The following SEMA4D variants were observed in gnomAD, a reference collection of about 807,000 sequenced individuals.
SEMA4D encodes semaphorin-4D.
Under a neutral mutation model 74.8 loss-of-function variants are expected in SEMA4D, and 22 were observed. The observed-to-expected ratio is 0.29, with a 90% CI of 0.21 to 0.42. The LOEUF (loss-of-function observed/expected upper bound fraction) is 0.42, where lower values mean the gene tolerates loss of function less well. Ranked by LOEUF, SEMA4D falls within the 10% of genes least tolerant of loss-of-function variation. SEMA4D has a pLI of 1.00. For synonymous variants in SEMA4D, 445 were observed against 463.7 expected, an observed-to-expected ratio of 0.96 and a Z score of 0.52; for missense variants, 937 against 1,118.4, an observed-to-expected ratio of 0.84 and a Z score of 2.31.
chr9:89,387,126 CCCCAG>C (rs1232249780), intron 12 of SEMA4D: 11 of 441,294 alleles, frequency 2.5e-5, no homozygotes, highest in Non-Finnish European at 4.0e-5. Flanking sequence ...TACTCCTCTG[CCCCAG>C]CCCAGCCCAG....
At chr9:89,494,960 T>C (rs1825894916) in intron 1 of SEMA4D, among the ~76,000 whole-genome samples, 1 of 152,218 alleles carries the variant, frequency 6.6e-6, no homozygotes, top group Non-Finnish European at 1.5e-5. Context: ...ATCAATAGCC[T>C]AGTTTTCAAA....
At chr9:89,451,085 G>A (rs780878949) in intron 2 of SEMA4D, among the ~76,000 whole-genome samples, 13 of 152,146 alleles carry the variant, frequency 8.5e-5, no homozygotes, top group Non-Finnish European at 1.8e-4. Flanking sequence ...GTAACCCTAC[G>A]ATAGAACAGG....
intron 1 of SEMA4D, among the ~76,000 whole-genome samples, chr9:89,457,927 G>C (rs1856325009): frequency 6.6e-6 from 1 of 151,930 alleles, no homozygotes; most frequent in African/African-American, 2.4e-5. Flanking sequence ...CAGCTACTTG[G>C]GAGGCTGAGA....
intron 1 of SEMA4D, among the ~76,000 whole-genome samples, chr9:89,473,084 T>C (rs1489706550): frequency 3.3e-5 from 5 of 152,154 alleles, no homozygotes; most frequent in Admixed American, 6.6e-5. Flanking sequence ...CAAGACCCTG[T>C]CTCAACAAAT....
chr9:89,429,606 C>T (rs922299939), intron 2 of SEMA4D, among the ~76,000 whole-genome samples: 1 of 152,184 alleles, frequency 6.6e-6, no homozygotes, highest in Non-Finnish European at 1.5e-5. Flanking sequence ...GGTTTCTTAA[C>T]AGAATCTCAA....
intron 18 of SEMA4D, chr9:89,363,364 T>C (rs1588050682): frequency 6.3e-7 from 1 of 1,594,850 alleles, no homozygotes; most frequent in South Asian, 1.1e-5. Context: ...AAAGATCCAC[T>C]GGATGTGGCA....
At chr9:89,478,577 T>A (rs1234685403) in intron 1 of SEMA4D, among the ~76,000 whole-genome samples, 4 of 152,178 alleles carry the variant, frequency 2.6e-5, no homozygotes, top group Non-Finnish European at 5.9e-5. Flanking sequence ...TGTGCGCCTA[T>A]GAAAAGGGAT....
chr9:89,388,551 A>G, intron 11 of SEMA4D, 85 bp downstream of exon 11: 1 of 1,497,486 alleles, frequency 6.7e-7, no homozygotes, highest in Non-Finnish European at 8.9e-7. Context: ...TACCCAGCCC[A>G]TGAGCAGGCC....
intron 5 of SEMA4D, among the ~76,000 whole-genome samples, chr9:89,397,240 A>G (rs1841173416): frequency 6.6e-6 from 1 of 152,196 alleles, no homozygotes; most frequent in South Asian, 2.1e-4. Flanking sequence ...GCTTACCTCA[A>G]ATCTTACTGG....
At chr9:89,401,040 T>G (rs1275176736) in intron 4 of SEMA4D, among the ~76,000 whole-genome samples, 1 of 152,170 alleles carries the variant, frequency 6.6e-6, no homozygotes, top group African/African-American at 2.4e-5. Flanking sequence ...TCAGAGTGCC[T>G]CACAGTGCTG....
intron 2 of SEMA4D, among the ~76,000 whole-genome samples, chr9:89,407,187 C>T (rs1843501544): frequency 6.6e-6 from 1 of 152,224 alleles, no homozygotes; most frequent in African/African-American, 2.4e-5. Context: ...GTGTGCCCAG[C>T]TCACTATATC....
chr9:89,405,357 G>A lies in SEMA4D; in HGVS notation c.100C>T (p.His34Tyr). The A allele has an allele frequency of 1.2e-6, 2 of 1,613,598 alleles. No individual in the cohort carries two copies. The highest frequency in any genetic ancestry group is 1.7e-6 in the Non-Finnish European group (2 of 1,179,514). Residue 34 changes from histidine (H) to tyrosine (Y), a missense_variant, in exon 3 of 16, where the codon CAC (histidine) becomes TAC (tyrosine). Physicochemically the swap from His to Tyr is moderately conservative, Grantham distance 83. Coordinates refer to ENST00000422704, the MANE Select transcript of SEMA4D (RefSeq NM_001371194.2). Reference sequence around the variant, plus strand: ...TGCAGGTTTCGTCACTCACCTCTGTGCTCCCAGGTGATCCGGGGTATGGGT... The same window carrying A: ...TGCAGGTTTCGTCACTCACCTCTGTACTCCCAGGTGATCCGGGGTATGGGT... ...FAPIPRITWE[H>Y]REVHLVQFHE...
intron 2 of SEMA4D, among the ~76,000 whole-genome samples, chr9:89,419,737 A>G (rs4466490): frequency 0.27 from 39,939 of 149,982 alleles, 6,969 homozygotes; most frequent in East Asian, 0.59. Flanking sequence ...ACAAGGCAAA[A>G]CCCCGTCTCT....
rs369861571 is a variant in SEMA4D, at chr9:89,386,479, C to G, written c.1334G>C (p.Arg445Pro). 2 of 1,609,792 alleles carry G rather than the reference C, an allele frequency of 1.2e-6. No individual in the cohort carries two copies. Among genetic ancestry groups the G allele is most frequent in the East Asian group, 2.2e-5 (1 of 44,876 alleles). Residue 445 changes from arginine to proline, a missense_variant, in exon 13 of 16, where the codon CGG (arginine) becomes CCG (proline). By Grantham distance (103) the Arg-to-Pro change is moderately radical. Transcript: ENST00000422704. ...GCTGATGGCTTTGTGCAGAGCTCCC[C>G]GGTCTGCAGGGCCAAAGCTACAGGT... ...VYDVMFVSTD[R>P]GALHKAISLE...
chr9:89,406,685 A>G (rs1043715218), intron 2 of SEMA4D, among the ~76,000 whole-genome samples: 2 of 152,152 alleles, frequency 1.3e-5, no homozygotes, highest in African/African-American at 2.4e-5. Context: ...ACACTTCTGT[A>G]AACAGTTCAC....
chr9:89,365,844 A>G lies in SEMA4D; in HGVS notation c.1883-1894T>C, dbSNP rs146154600. On this transcript the variant is annotated intron_variant, in intron 16 of 18. Coordinates refer to the SEMA4D transcript ENST00000339861. ...TGGCACATGCTGGACTTTTGAAAAG[A>G]AGAGATCGCCAGTTTAATGAAGCTG... 1.9e-4 allele frequency among the ~76,000 whole-genome samples: 29 copies of G among 152,314 alleles called. No homozygotes were observed. The East Asian group carries it at 5.4e-3, about 28-fold the overall frequency.
intron 2 of SEMA4D, among the ~76,000 whole-genome samples, chr9:89,411,559 G>A (rs1439376698): frequency 6.6e-6 from 1 of 152,202 alleles, no homozygotes; most frequent in Non-Finnish European, 1.5e-5. Context: ...GGGACAAAGG[G>A]ACAAGACAAG....
chr9:89,367,179 G>GA (rs1284569149), intron 16 of SEMA4D: 3 of 152,614 alleles, frequency 2.0e-5, no homozygotes, highest in Non-Finnish European at 4.4e-5. Flanking sequence ...GAGAGAGAGG[G>GA]AAAGTGAGAG....
At chr9:89,438,663 T>TTTTTCTTTTC (rs537585584) in intron 2 of SEMA4D, among the ~76,000 whole-genome samples, 248 of 152,262 alleles carry the variant, frequency 1.6e-3, no homozygotes, top group African/African-American at 5.7e-3. Context: ...CAATGTATGT[T>TTTTTCTTTTC]TTTTCTTTTC....
Sources: allele counts gnomAD v4.1 joint callset (sites outside exome capture counted in the v4.1 genomes callset), GRCh38; gene constraint gnomAD v4.1.1; transcripts MANE v1.5; gene names NCBI Gene and HGNC (gene_info 2026-07-23, HGNC 2026-07-21).